Variants in CPE observed in about 807,000 individuals in gnomAD.
The protein encoded by CPE is carboxypeptidase E.
Under a neutral mutation model 53.5 loss-of-function variants are expected in CPE, and 17 were observed. That is an observed-to-expected ratio of 0.32 (90% CI 0.22 to 0.48). CPE has a LOEUF of 0.48. Ranked by LOEUF, CPE falls within the 20% of genes least tolerant of loss-of-function variation. The pLI, the probability that CPE is intolerant of heterozygous loss-of-function variation, is 0.99. For missense variants in CPE, 524 were observed against 614.7 expected (o/e 0.85, Z 1.56); for synonymous variants, 226 against 228.8 (o/e 0.99, Z 0.11).
At chr4:165,404,459 C>T (rs1730920590) in intron 1 of CPE, 1 of 772,210 alleles carries the variant, frequency 1.3e-6, no homozygotes, top group Admixed American at 1.7e-5. Context: ...AAAGCCCTTC[C>T]CAGACTGGCG....
At chr4:165,420,507 GTTTA>G (rs1288185712) in intron 1 of CPE, among the ~76,000 whole-genome samples, 2 of 151,670 alleles carry the variant, frequency 1.3e-5, no homozygotes, top group Non-Finnish European at 2.9e-5. Context: ...TGTCCAGTTT[GTTTA>G]TTTATTTCTT....
Position 165,428,311 on chromosome 4 carries a change from T to C in CPE, c.308-36079T>C, listed in dbSNP as rs1731355455. Among the ~76,000 whole-genome samples, 4 of 152,212 alleles carry C rather than the reference T, an allele frequency of 2.6e-5. No homozygotes were observed. The South Asian group carries it at 8.3e-4, about 32-fold the overall frequency. On this transcript the variant is annotated intron_variant, in intron 1 of 8. Transcript: ENST00000402744. ...AAGCAATCCTCAGCATCCCAAAGTG[T>C]TGGGATTATAGGCATGAGCCATTGT...
At position 165,379,279 on chromosome 4, in the gene CPE, G is replaced by A. The variant is rs1449154384; in HGVS notation, c.58G>A (p.Gly20Arg). ...LALCGALAACGWLLGAEAQEP... is the reference protein window; with the variant it reads ...LALCGALAACRWLLGAEAQEP... The stretch of plus-strand genomic sequence containing the variant: ...TCTGTGCGGGGCACTGGCTGCCTGC[G>A]GGTGGCTCCTGGGCGCCGAAGCCCA... Residue 20 changes from glycine (G) to arginine (R), a missense_variant, in exon 1 of 9, where the codon GGG becomes AGG. Gly to Arg is a moderately radical substitution (Grantham distance 125, BLOSUM62 -2). Transcript: ENST00000402744. This position sits in a 1 kb window ranked among gnomAD's most constrained non-coding sequence, Gnocchi z 6.0. The A allele has an allele frequency of 6.8e-7, 1 of 1,470,698 alleles. No individual in the cohort carries two copies. Among genetic ancestry groups the A allele is most frequent in the African/African-American group, 1.5e-5 (1 of 68,604 alleles). 91.1% of individuals were successfully genotyped at this position (1,470,698 alleles called of 1,614,324 possible). A position where few individuals can be genotyped will look rare whatever the true frequency, so the allele number is the denominator to read the frequency against.
At chr4:165,493,510 A>G (rs1009804617) in intron 7 of CPE, among the ~76,000 whole-genome samples, 1 of 152,082 alleles carries the variant, frequency 6.6e-6, no homozygotes, top group Non-Finnish European at 1.5e-5. Flanking sequence ...TTCCTCAGCT[A>G]TCTCGCCCCA....
At chr4:165,428,795 C>T (rs1398800891) in intron 1 of CPE, among the ~76,000 whole-genome samples, 1 of 152,154 alleles carries the variant, frequency 6.6e-6, no homozygotes, top group African/African-American at 2.4e-5. Flanking sequence ...TTTTTCTGTG[C>T]TTGTAATCTC....
At position 165,408,123 on chromosome 4, in the gene CPE, C is replaced by T. The variant is rs776494404; in HGVS notation, c.307+28595C>T. Reference sequence around the variant, plus strand: ...ATTCTGTGTGTTGTCTCCTTACTTTCTTGATAGTGTCCTTTCAAGTACAGA... The same window carrying T: ...ATTCTGTGTGTTGTCTCCTTACTTTTTTGATAGTGTCCTTTCAAGTACAGA... On this transcript the variant is annotated intron_variant, in intron 1 of 8. Coordinates refer to ENST00000402744, the MANE Select transcript of CPE (RefSeq NM_001873.4). Among the ~76,000 whole-genome samples the T allele has an allele frequency of 1.4e-4, 21 of 152,298 alleles. No individual in the cohort carries two copies. The Middle Eastern group carries it at 0.01, about 74-fold the overall frequency.
intron 1 of CPE, among the ~76,000 whole-genome samples, chr4:165,421,830 G>T (rs1731229906): frequency 6.6e-6 from 1 of 152,132 alleles, no homozygotes; most frequent in Non-Finnish European, 1.5e-5. Context: ...TGTTAATGGT[G>T]CATAGCATTC....
intron 1 of CPE, among the ~76,000 whole-genome samples, chr4:165,412,994 G>A (rs997787981): frequency 2.0e-5 from 3 of 152,158 alleles, no homozygotes; most frequent in Admixed American, 1.3e-4. Context: ...CTTCGCATGC[G>A]CTTGAGATTC....
chr4:165,456,768 G>T (rs1171740432), intron 1 of CPE, among the ~76,000 whole-genome samples: 1 of 140,832 alleles, frequency 7.1e-6, no homozygotes, highest in Admixed American at 7.1e-5. Flanking sequence ...TTGAGATGGA[G>T]TCTCACTCTG....
At chr4:165,494,779 C>T (rs932922679) in intron 7 of CPE, among the ~76,000 whole-genome samples, 3 of 152,116 alleles carry the variant, frequency 2.0e-5, no homozygotes, top group African/African-American at 4.8e-5. Context: ...TTTGATGATA[C>T]GGTGATGGGG....
At chr4:165,470,489 A>G (rs775142311) in intron 3 of CPE, among the ~76,000 whole-genome samples, 55 of 152,266 alleles carry the variant, frequency 3.6e-4, no homozygotes, top group African/African-American at 1.2e-3. Flanking sequence ...GCCTCTTAGT[A>G]TGCTTAAGCC....
chr4:165,479,011 A>C (rs1732353442), intron 3 of CPE, among the ~76,000 whole-genome samples: 1 of 152,182 alleles, frequency 6.6e-6, no homozygotes, highest in South Asian at 2.1e-4. Context: ...TGAAATGTGA[A>C]TATTTGTCAA....
intron 1 of CPE, among the ~76,000 whole-genome samples, chr4:165,459,714 G>C (rs983521564): frequency 9.0e-5 from 13 of 143,982 alleles, no homozygotes; most frequent in African/African-American, 3.4e-4. Context: ...GGAGGAGTTC[G>C]AGACCAGCTT....
chr4:165,428,175 A>G (rs11733216), intron 1 of CPE, among the ~76,000 whole-genome samples: 44,955 of 151,982 alleles, frequency 0.3, 6,748 homozygotes, highest in Middle Eastern at 0.39. Flanking sequence ...GACTATATAG[A>G]CACATGCTGC....
rs1049050392 is a variant in CPE, at chr4:165,379,180, G to T, written c.-42G>T. The T allele has an allele frequency of 4.0e-5, 49 of 1,219,870 alleles. No homozygotes were observed. The East Asian group carries it at 1.4e-3, about 36-fold the overall frequency. 75.6% of individuals were successfully genotyped at this position (1,219,870 alleles called of 1,614,324 possible). A position where few individuals can be genotyped will look rare whatever the true frequency, so the allele number is the denominator to read the frequency against. ...CAGGGCCGGGCAGACAAAAGAGGCC[G>T]CCCGCGTAGGAAGGCACGGCCGGCG... On this transcript the variant is annotated 5_prime_UTR_variant, in exon 1 of 9. Coordinates refer to ENST00000402744, the MANE Select transcript of CPE (RefSeq NM_001873.4). This position sits in a 1 kb window ranked among gnomAD's most constrained non-coding sequence, Gnocchi z 6.0.
intron 2 of CPE, among the ~76,000 whole-genome samples, chr4:165,467,483 G>A (rs1194921644): frequency 6.6e-6 from 1 of 152,196 alleles, no homozygotes; most frequent in Admixed American, 6.5e-5. Flanking sequence ...GGTAAGAAAT[G>A]TCATTATGCG....
chr4:165,490,629 CAA>C (rs36034365), intron 6 of CPE, among the ~76,000 whole-genome samples: 28 of 40,996 alleles, frequency 6.8e-4, no homozygotes, highest in South Asian at 2.1e-3. Flanking sequence ...GACTCCGTCT[CAA>C]AAAAAAAAAA....
At chr4:165,431,613 G>A (rs981774578) in intron 1 of CPE, among the ~76,000 whole-genome samples, 13 of 152,166 alleles carry the variant, frequency 8.5e-5, no homozygotes, top group Non-Finnish European at 1.5e-5. Flanking sequence ...GCTGCTTCCT[G>A]ATGAGTTTGG....
intron 1 of CPE, among the ~76,000 whole-genome samples, chr4:165,441,652 A>G (rs909071263): frequency 1.3e-5 from 2 of 152,132 alleles, no homozygotes; most frequent in African/African-American, 4.8e-5. Flanking sequence ...TCTTTAAGAA[A>G]TTTTCCTTTG....
Sources: allele counts gnomAD v4.1 joint callset (sites outside exome capture counted in the v4.1 genomes callset), GRCh38; gene constraint gnomAD v4.1.1; non-coding constraint Gnocchi (gnomAD v3.1); transcripts MANE v1.5; gene names NCBI Gene and HGNC (gene_info 2026-07-23, HGNC 2026-07-21).